CHRM5: variants seen among roughly 807,000 people sequenced by gnomAD.
The protein encoded by CHRM5 is muscarinic acetylcholine receptor M5.
Under a neutral mutation model 39.0 loss-of-function variants are expected in CHRM5, and 18 were observed. The observed-to-expected ratio is 0.46, with a 90% confidence interval of 0.32 to 0.68. CHRM5 has a LOEUF of 0.68. Among genes scored for constraint, CHRM5 ranks in the 30% least tolerant of loss-of-function variants. CHRM5 has a pLI of 0.04. For missense variants in CHRM5, 515 were observed against 651.1 expected (o/e 0.79, Z 2.28); for synonymous variants, 241 against 246.3 (o/e 0.98, Z 0.20).
chr15:34,034,203 G>A (rs1899002085), intron 1 of CHRM5, among the ~76,000 whole-genome samples: 1 of 152,166 alleles, frequency 6.6e-6, no homozygotes, highest in Admixed American at 6.5e-5. Flanking sequence ...AGCACTTTGG[G>A]TGGCTGAGGC....
chr15:33,983,275 TGAC>T (rs1295277683), intron 1 of CHRM5, among the ~76,000 whole-genome samples: 1 of 149,838 alleles, frequency 6.7e-6, no homozygotes, highest in African/African-American at 2.4e-5. Context: ...AACCAACAAA[TGAC>T]AAAAGATAAA....
At chr15:33,974,498 C>T (rs1470228648) in intron 1 of CHRM5, among the ~76,000 whole-genome samples, 1 of 152,202 alleles carries the variant, frequency 6.6e-6, no homozygotes, top group Non-Finnish European at 1.5e-5. Flanking sequence ...TGTGCCTCAA[C>T]CCCTATGATA....
At chr15:34,036,953 T>C (rs1216606009) in intron 1 of CHRM5, among the ~76,000 whole-genome samples, 1 of 151,768 alleles carries the variant, frequency 6.6e-6, no homozygotes, top group East Asian at 1.9e-4. Flanking sequence ...CTATTAAAAA[T>C]ACAAAATTAG....
At chr15:34,058,471 GGA>G (rs544211557) in intron 2 of CHRM5, among the ~76,000 whole-genome samples, 1 of 150,532 alleles carries the variant, frequency 6.6e-6, no homozygotes, top group South Asian at 2.1e-4. Context: ...TGAGAAATCA[GGA>G]GAGAGAGAGA....
chr15:34,008,239 A>G (rs1456732243), intron 1 of CHRM5, among the ~76,000 whole-genome samples: 1 of 151,830 alleles, frequency 6.6e-6, no homozygotes, highest in East Asian at 2.0e-4. Context: ...TAGGCAACAT[A>G]GCAAGACCCT....
intron 1 of CHRM5, among the ~76,000 whole-genome samples, chr15:33,973,737 G>A (rs1416923004): frequency 2.6e-5 from 4 of 152,112 alleles, no homozygotes; most frequent in Admixed American, 6.5e-5. Context: ...TCTGACATAC[G>A]AAATTGCATT....
At chr15:33,995,571 T>C (rs966855282) in intron 1 of CHRM5, among the ~76,000 whole-genome samples, 3 of 152,146 alleles carry the variant, frequency 2.0e-5, no homozygotes, top group Admixed American at 6.6e-5. Context: ...TCAAAAGCAA[T>C]TGCAACAAAA....
chr15:34,013,979 G>A (rs1897752743), intron 1 of CHRM5, among the ~76,000 whole-genome samples: 1 of 152,114 alleles, frequency 6.6e-6, no homozygotes, highest in South Asian at 2.1e-4. Flanking sequence ...CCCCTGCCTT[G>A]GTATTAGCAA....
In CHRM5 at chr15:33,968,751, G is replaced by A. The variant is rs1314487705; in HGVS notation, c.-807G>A. ...ATGTTTTTTAAAGCAGCTTGATTTG[G>A]AAGCGTGTGTAATTCTGAAATACGA... On this transcript the variant is annotated 5_prime_UTR_variant, in exon 1 of 3. Coordinates refer to ENST00000383263, the MANE Select transcript of CHRM5 (RefSeq NM_012125.4). 1 of 152,124 alleles carries A rather than the reference G, an allele frequency of 6.6e-6. No individual in the cohort carries two copies. Among genetic ancestry groups the A allele is most frequent in the African/African-American group, 2.4e-5 (1 of 41,440 alleles). 9.4% of individuals were successfully genotyped at this position (152,124 alleles called of 1,614,324 possible).
At chr15:33,984,710 G>A (rs1896346045) in intron 1 of CHRM5, among the ~76,000 whole-genome samples, 1 of 152,130 alleles carries the variant, frequency 6.6e-6, no homozygotes, top group Admixed American at 6.5e-5. Flanking sequence ...CCTATTCATA[G>A]TAGGTTTCTA....
chr15:34,057,247 C>T (rs1057058197), intron 2 of CHRM5, among the ~76,000 whole-genome samples: 1 of 151,946 alleles, frequency 6.6e-6, no homozygotes, highest in Non-Finnish European at 1.5e-5. Flanking sequence ...AGCGATTCTC[C>T]TGCCTCAGCA....
At chr15:34,036,350 C>T (rs1899124811) in intron 1 of CHRM5, among the ~76,000 whole-genome samples, 2 of 151,964 alleles carry the variant, frequency 1.3e-5, no homozygotes, top group Admixed American at 1.3e-4. Flanking sequence ...ATGCAGTGGT[C>T]CAAAATAGAA....
chr15:33,992,571 G>GATGTTT (rs1385408838), intron 1 of CHRM5, among the ~76,000 whole-genome samples: 4 of 152,026 alleles, frequency 2.6e-5, no homozygotes, highest in Non-Finnish European at 5.9e-5. Flanking sequence ...TGTTATTTCA[G>GATGTTT]ATGTTTTAAA....
At chr15:34,000,408 A>C (rs566461670) in intron 1 of CHRM5, among the ~76,000 whole-genome samples, 1 of 152,318 alleles carries the variant, frequency 6.6e-6, no homozygotes, top group Non-Finnish European at 1.5e-5. Flanking sequence ...TCAACTGGTC[A>C]CAATTTAAAA....
intron 1 of CHRM5, among the ~76,000 whole-genome samples, chr15:34,034,474 A>C (rs1899025528): frequency 6.6e-6 from 1 of 151,996 alleles, no homozygotes; most frequent in South Asian, 2.1e-4. Flanking sequence ...AAAAGAAAAA[A>C]TCAATTTATA....
intron 1 of CHRM5, among the ~76,000 whole-genome samples, chr15:34,024,048 T>C (rs548447449): frequency 6.6e-6 from 1 of 152,194 alleles, no homozygotes; most frequent in South Asian, 2.1e-4. Context: ...TAAATGTGAA[T>C]GTTTCCAGAA....
At chr15:34,062,554 CAA>C (rs10632153) in intron 2 of CHRM5, 87 bp from the exon 3 acceptor site, 2,022 of 407,122 alleles carry the variant, frequency 5.0e-3, no homozygotes, top group South Asian at 0.011. Context: ...GATTCTGTCT[CAA>C]AAAAAAAAAA....
chr15:34,032,470 A>G (rs1263915312), intron 1 of CHRM5, among the ~76,000 whole-genome samples: 1 of 152,240 alleles, frequency 6.6e-6, no homozygotes, highest in African/African-American at 2.4e-5. Context: ...GAGTAACACT[A>G]TTAAGAATGA....
At chr15:33,988,328 A>G (rs190938622) in intron 1 of CHRM5, among the ~76,000 whole-genome samples, 213 of 152,356 alleles carry the variant, frequency 1.4e-3, no homozygotes, top group African/African-American at 4.8e-3. Context: ...GAAGCCAGGC[A>G]TACTTAAGTT....
Sources: allele counts gnomAD v4.1 joint callset (sites outside exome capture counted in the v4.1 genomes callset), GRCh38; gene constraint gnomAD v4.1.1; transcripts MANE v1.5; gene names NCBI Gene and HGNC (gene_info 2026-07-23, HGNC 2026-07-21).